CDH13: variants seen among roughly 807,000 people sequenced by gnomAD.
The protein encoded by CDH13 is cadherin 13, also known as cadherin-13.
Under a neutral mutation model 63.8 loss-of-function variants are expected in CDH13, and 24 were observed. The observed-to-expected ratio is 0.38, with a 90% CI of 0.27 to 0.53. CDH13 has a LOEUF of 0.53. CDH13 is among the 20% of genes least tolerant of loss of function. The probability of loss-of-function intolerance (pLI) is 0.85; values close to 1 mark genes in which losing one functional copy is unlikely to be tolerated. For synonymous variants in CDH13, 503 were observed against 355.3 expected (o/e 1.42, Z -4.67); for missense variants, 1,049 against 903.1 (o/e 1.16, Z -2.07).
At chr16:82,693,574 G>A (rs372144091) in intron 1 of CDH13, among the ~76,000 whole-genome samples, 1 of 152,188 alleles carries the variant, frequency 6.6e-6, no homozygotes, top group Non-Finnish European at 1.5e-5. Context: ...ATTAAACCCT[G>A]TATAAGAACC....
At chr16:82,781,516 C>G (rs1332229440) in intron 1 of CDH13, among the ~76,000 whole-genome samples, 2 of 152,078 alleles carry the variant, frequency 1.3e-5, no homozygotes, top group Non-Finnish European at 2.9e-5. Context: ...CACCCACTCA[C>G]CCATCTATTC....
At chr16:83,110,227 C>G (rs1283491630) in intron 3 of CDH13, among the ~76,000 whole-genome samples, 1 of 152,204 alleles carries the variant, frequency 6.6e-6, no homozygotes, top group Non-Finnish European at 1.5e-5. Context: ...GCAGATCTCA[C>G]GTTCTGATCA....
intron 2 of CDH13, among the ~76,000 whole-genome samples, chr16:82,910,210 C>G (rs888279137): frequency 6.6e-6 from 1 of 152,098 alleles, no homozygotes; most frequent in Admixed American, 6.5e-5. Context: ...AGAATTAAAC[C>G]CTTGTTGTTT....
rs184583579 is a variant in CDH13, at chr16:83,043,256, G to A, written c.366+11038G>A. Among the ~76,000 whole-genome samples, 293 of 152,208 alleles carry A rather than the reference G, an allele frequency of 1.9e-3. 1 individual carries two copies. The highest frequency in any genetic ancestry group is 0.017 in the Middle Eastern group (5 of 294). On this transcript the variant is annotated intron_variant, in intron 3 of 13. Coordinates refer to ENST00000567109, the MANE Select transcript of CDH13 (RefSeq NM_001257.5). ...GAATCTAAGAAAACTATATTCTGGA[G>A]ATTAATTTTAATTGAAATTCTTGGG...
chr16:82,822,585 C>A (rs2038055160), intron 1 of CDH13, among the ~76,000 whole-genome samples: 1 of 152,160 alleles, frequency 6.6e-6, no homozygotes, highest in Non-Finnish European at 1.5e-5. Flanking sequence ...TAGCCTTCAC[C>A]TTCTGCTCAA....
intron 6 of CDH13, among the ~76,000 whole-genome samples, chr16:83,442,549 G>T (rs2072509331): frequency 1.2e-4 from 2 of 17,086 alleles, no homozygotes; most frequent in Non-Finnish European, 2.3e-4. Context: ...CTTTCACATT[G>T]CAAGTTTTTT....
chr16:83,571,013 A>G (rs1419288824), intron 7 of CDH13, among the ~76,000 whole-genome samples: 3 of 146,244 alleles, frequency 2.1e-5, no homozygotes, highest in African/African-American at 2.5e-5. Context: ...CCTCCAGCTA[A>G]ACATTCAAAA....
chr16:82,629,612 T>C (rs947449402), intron 1 of CDH13, among the ~76,000 whole-genome samples: 7 of 152,230 alleles, frequency 4.6e-5, no homozygotes, highest in African/African-American at 1.7e-4. Context: ...CAAGCCTGTA[T>C]GTTTTTTTCC....
At chr16:83,378,735 A>G (rs2091502389) in intron 6 of CDH13, among the ~76,000 whole-genome samples, 1 of 152,180 alleles carries the variant, frequency 6.6e-6, no homozygotes, top group Admixed American at 6.5e-5. Context: ...GTAGTTTGTT[A>G]TAAAAATGCT....
chr16:83,703,452 A>AT (rs1448226875), intron 10 of CDH13, among the ~76,000 whole-genome samples: 6 of 152,240 alleles, frequency 3.9e-5, no homozygotes, highest in African/African-American at 1.4e-4. Context: ...ATATGCAGTG[A>AT]TTAAAATTTT....
At chr16:83,448,994 A>C (rs2072798292) in intron 6 of CDH13, among the ~76,000 whole-genome samples, 1 of 152,200 alleles carries the variant, frequency 6.6e-6, no homozygotes, top group South Asian at 2.1e-4. Context: ...GCTCCTAGAT[A>C]CCGAATTTCC....
chr16:83,180,148 G>T (rs1365984498), intron 4 of CDH13, among the ~76,000 whole-genome samples: 1 of 145,472 alleles, frequency 6.9e-6, no homozygotes, highest in Non-Finnish European at 1.5e-5. Flanking sequence ...GGTTTTTTTT[G>T]TTGTTGTTGG....
chr16:83,072,153 T>G (rs2032484673), intron 3 of CDH13, among the ~76,000 whole-genome samples: 1 of 152,210 alleles, frequency 6.6e-6, no homozygotes, highest in Non-Finnish European at 1.5e-5. Flanking sequence ...AAATTGTGCA[T>G]GTATTTTACC....
At chr16:83,430,413 TG>T (rs1392739510) in intron 6 of CDH13, among the ~76,000 whole-genome samples, 1 of 152,256 alleles carries the variant, frequency 6.6e-6, no homozygotes, top group Non-Finnish European at 1.5e-5. Context: ...CCTGATTTCT[TG>T]GCAAACAACC....
chr16:83,047,051 C>T lies in CDH13; in HGVS notation c.366+14833C>T, dbSNP rs138260711. ...AGAGAATGTGCACTGTCAACCAACC[C>T]CTTCATCGAGTCAGGCAAATTAGGA... On this transcript the variant is annotated intron_variant, in intron 3 of 13. Coordinates refer to ENST00000567109, the MANE Select transcript of CDH13 (RefSeq NM_001257.5). This position sits in a 1 kb window ranked among gnomAD's most constrained non-coding sequence, Gnocchi z 4.9. Among the ~76,000 whole-genome samples the T allele has an allele frequency of 6.6e-6, 1 of 152,254 alleles. No individual in the cohort carries two copies. The highest frequency in any genetic ancestry group is 6.5e-5 in the Admixed American group (1 of 15,286).
At chr16:83,135,752 T>A (rs938807726) in intron 4 of CDH13, among the ~76,000 whole-genome samples, 1 of 152,140 alleles carries the variant, frequency 6.6e-6, no homozygotes, top group Non-Finnish European at 1.5e-5. Context: ...CAACTCACAA[T>A]TGCAAAATCA....
intron 1 of CDH13, among the ~76,000 whole-genome samples, chr16:82,753,648 G>C (rs973510049): frequency 6.6e-6 from 1 of 152,170 alleles, no homozygotes; most frequent in Non-Finnish European, 1.5e-5. Context: ...TGATTCTAGT[G>C]CCAAATTGTA....
intron 3 of CDH13, among the ~76,000 whole-genome samples, chr16:83,111,464 T>G (rs539867937): frequency 6.6e-6 from 1 of 152,100 alleles, no homozygotes; most frequent in Non-Finnish European, 1.5e-5. Context: ...GGATCCTGAG[T>G]GAAAGCATGA....
At chr16:83,767,387 G>A (rs1274827952) in intron 11 of CDH13, among the ~76,000 whole-genome samples, 1 of 152,128 alleles carries the variant, frequency 6.6e-6, no homozygotes, top group Non-Finnish European at 1.5e-5. Context: ...TTATATAAAC[G>A]GGAGTTCTCC....
Sources: allele counts gnomAD v4.1 joint callset (sites outside exome capture counted in the v4.1 genomes callset), GRCh38; gene constraint gnomAD v4.1.1; non-coding constraint Gnocchi (gnomAD v3.1); transcripts MANE v1.5; gene names NCBI Gene and HGNC (gene_info 2026-07-23, HGNC 2026-07-21).